Variants in DNAI7 observed in about 807,000 individuals in gnomAD.
DNAI7 encodes cancer susceptibility 1.
A neutral mutation model predicts 86.6 loss-of-function variants in DNAI7; 78 were observed. That is an observed-to-expected ratio of 0.90 (90% confidence interval 0.75 to 1.09). DNAI7 has a LOEUF of 1.09. Ranked by LOEUF, DNAI7 falls within the 50% of genes least tolerant of loss-of-function variation. The probability of loss-of-function intolerance (pLI) is 0.00; values close to 1 mark genes in which losing one functional copy is unlikely to be tolerated. For synonymous variants in DNAI7, 274 were observed against 273.0 expected (o/e 1.00, Z -0.04); for missense variants, 753 against 810.2 (o/e 0.93, Z 0.86).
intron 9 of DNAI7, 131 bp from the exon 10 acceptor site, chr12:25,123,417 TGCTCTACC>T (rs3830289): frequency 0.18 from 89,193 of 491,370 alleles, 8,234 homozygotes; most frequent in Middle Eastern, 0.23. Context: ...AACTGATACT[TGCTCTACC>T]ATAAAACTGG....
chr12:25,131,299 G>A (rs12424685), intron 9 of DNAI7, among the ~76,000 whole-genome samples: 60,371 of 151,970 alleles, frequency 0.4, 13,865 homozygotes, highest in East Asian at 0.77. Flanking sequence ...GAATTTATAT[G>A]GCAGTTTAAA....
downstream of DNAI7, chr12:25,107,776 A>C: frequency 6.3e-7 from 1 of 1,591,926 alleles, no homozygotes; most frequent in Non-Finnish European, 8.6e-7. Context: ...TTCTAATGAC[A>C]AATTACCGAT....
chr12:25,109,367 A>G (rs1358591756), intron 15 of DNAI7, among the ~76,000 whole-genome samples: 1 of 152,182 alleles, frequency 6.6e-6, no homozygotes. Context: ...TCACAGATAT[A>G]TTAATGTTAA....
At chr12:25,125,901 G>A (rs2140517649) in intron 9 of DNAI7, among the ~76,000 whole-genome samples, 1 of 152,186 alleles carries the variant, frequency 6.6e-6, no homozygotes, top group East Asian at 1.9e-4. Flanking sequence ...TGTCAGCTTT[G>A]TTGAAGATGA....
intron 1 of DNAI7, among the ~76,000 whole-genome samples, chr12:25,194,067 G>A (rs981872391): frequency 4.6e-5 from 7 of 151,820 alleles, no homozygotes; most frequent in African/African-American, 7.3e-5. Context: ...TGATCTGCCC[G>A]CCTCGGCCTC....
intron 12 of DNAI7, among the ~76,000 whole-genome samples, chr12:25,115,611 TA>T (rs1197595927): frequency 6.6e-6 from 1 of 152,076 alleles, no homozygotes; most frequent in Non-Finnish European, 1.5e-5. Context: ...GGAAATAAAT[TA>T]AAACTACAAT....
chr12:25,126,424 A>G (rs1942140799), intron 9 of DNAI7, among the ~76,000 whole-genome samples: 1 of 152,184 alleles, frequency 6.6e-6, no homozygotes, highest in Non-Finnish European at 1.5e-5. Context: ...CTAGAAGTCC[A>G]GTGTAGACAA....
At position 25,114,764 on chromosome 12, in the gene DNAI7, A is replaced by G; in HGVS notation, c.1503T>C (p.Asp501=). ...DTFGPVTLIQ[D]AHINMPYQSW... Reference sequence around the variant, plus strand: ...ACTGGTACGGCATGTTAATATGAGCATCTTGAATCAAGGTAACAGGGCCAA... The same window carrying G: ...ACTGGTACGGCATGTTAATATGAGCGTCTTGAATCAAGGTAACAGGGCCAA... Residue 501 remains aspartate, a synonymous_variant, in exon 13 of 16, where the codon GAT becomes GAC. Transcript: ENST00000395987. The G allele has an allele frequency of 6.2e-7, 1 of 1,614,030 alleles. No homozygotes were observed. Among genetic ancestry groups the G allele is most frequent in the South Asian group, 1.1e-5 (1 of 91,078 alleles).
At chr12:25,126,560 G>T (rs1188198772) in intron 9 of DNAI7, among the ~76,000 whole-genome samples, 1 of 152,038 alleles carries the variant, frequency 6.6e-6, no homozygotes, top group Non-Finnish European at 1.5e-5. Context: ...CAAGGGAGAG[G>T]CTACGGCTGA....
chr12:25,149,087 G>A (rs934345932), intron 7 of DNAI7, among the ~76,000 whole-genome samples: 1 of 152,060 alleles, frequency 6.6e-6, no homozygotes, highest in Non-Finnish European at 1.5e-5. Flanking sequence ...CTGGACTCAA[G>A]CGATGCTCCC....
rs77140270 is a variant in DNAI7 at position 25,152,148 on chromosome 12, T to A, written c.438+2171A>T. Among the ~76,000 whole-genome samples the A allele has an allele frequency of 6.6e-5, 10 of 152,332 alleles. No individual in the cohort carries two copies. The East Asian group carries it at 1.9e-3, about 29-fold the overall frequency. ...CTGGCACAAGCTTCTTAGAATTTCT[T>A]GAGGGATAGGAATGACAGAAACAGC... On this transcript the variant is annotated intron_variant, in intron 6 of 15. Transcript: ENST00000395987.
At chr12:25,186,480 G>A (rs1037448053) in intron 2 of DNAI7, among the ~76,000 whole-genome samples, 1 of 151,980 alleles carries the variant, frequency 6.6e-6, no homozygotes, top group Non-Finnish European at 1.5e-5. Flanking sequence ...TAATCTCATG[G>A]GCAATGTAAC....
intron 7 of DNAI7, among the ~76,000 whole-genome samples, chr12:25,149,232 G>A (rs1471804323): frequency 2.0e-5 from 3 of 151,966 alleles, no homozygotes; most frequent in Admixed American, 2.0e-4. Context: ...AGTAATTGCG[G>A]TTTTTGCCAT....
At chr12:25,125,998 G>C (rs1942082267) in intron 9 of DNAI7, among the ~76,000 whole-genome samples, 1 of 152,120 alleles carries the variant, frequency 6.6e-6, no homozygotes. Context: ...GTACCACGCT[G>C]TTTTGGTTAT....
At chr12:25,151,943 C>A (rs1285100287) in intron 6 of DNAI7, among the ~76,000 whole-genome samples, 4 of 152,064 alleles carry the variant, frequency 2.6e-5, no homozygotes, top group Non-Finnish European at 5.9e-5. Flanking sequence ...GCAGCAATGA[C>A]AGGAAGCATA....
At chr12:25,162,760 C>T (rs1946976616) in intron 2 of DNAI7, among the ~76,000 whole-genome samples, 1 of 152,218 alleles carries the variant, frequency 6.6e-6, no homozygotes, top group South Asian at 2.1e-4. Flanking sequence ...TATATACCTC[C>T]ACTTCCTCTA....
At chr12:25,186,959 T>C (rs1950093283) in intron 2 of DNAI7, among the ~76,000 whole-genome samples, 1 of 152,190 alleles carries the variant, frequency 6.6e-6, no homozygotes, top group Non-Finnish European at 1.5e-5. Flanking sequence ...CTGTGATGGA[T>C]TCCTAAAGGG....
At chr12:25,123,135 T>A (rs1941577222) in intron 10 of DNAI7, 76 bp downstream of exon 10, 30 of 991,348 alleles carry the variant, frequency 3.0e-5, no homozygotes, top group Non-Finnish European at 3.5e-5. Flanking sequence ...TGAATTTTTT[T>A]AACAATGATC....
intron 8 of DNAI7, among the ~76,000 whole-genome samples, chr12:25,145,422 C>G (rs935903429): frequency 6.6e-6 from 1 of 152,134 alleles, no homozygotes; most frequent in Non-Finnish European, 1.5e-5. Flanking sequence ...GTAAAAGACA[C>G]CACCTAATTC....
Sources: allele counts gnomAD v4.1 joint callset (sites outside exome capture counted in the v4.1 genomes callset), GRCh38; gene constraint gnomAD v4.1.1; transcripts MANE v1.5; gene names NCBI Gene and HGNC (gene_info 2026-07-23, HGNC 2026-07-21).